RNF220: variants seen among roughly 807,000 people sequenced by gnomAD.
The protein encoded by RNF220 is ring finger protein 220.
In RNF220, 7 loss-of-function variants were observed where a neutral mutation model predicts 67.1. The observed-to-expected ratio is 0.10, with a 90% CI of 0.06 to 0.20. RNF220 has a LOEUF of 0.20. Ranked by LOEUF, RNF220 falls within the 10% of genes least tolerant of loss-of-function variation. The pLI, the probability that RNF220 is intolerant of heterozygous loss-of-function variation, is 1.00. For synonymous variants in RNF220, 270 were observed against 283.2 expected, an observed-to-expected ratio of 0.95 and a Z score of 0.47; for missense variants, 565 against 740.3, an observed-to-expected ratio of 0.76 and a Z score of 2.75.
In RNF220 at chr1:44,614,264, A is replaced by T; in HGVS notation, c.725A>T (p.Gln242Leu). 1 of 1,614,150 alleles carries T rather than the reference A, an allele frequency of 6.2e-7. No individual in the cohort carries two copies. ...AGTGAGCTGCAGGAGCATATGGAGC[A>T]GGAACTGGAGCAGCTAGCCCAACTG... The part of the protein sequence containing the change: ...RPSELQEHME[Q>L]ELEQLAQLPS... The change falls in exon 3 of 15, where the codon CAG becomes CTG. Residue 242 changes from glutamine to leucine, a missense_variant. By Grantham distance (113) the Gln-to-Leu change is moderately radical. Coordinates refer to ENST00000361799, the MANE Select transcript of RNF220 (RefSeq NM_018150.4).
chr1:44,487,215 G>A (rs998007706), intron 2 of RNF220, among the ~76,000 whole-genome samples: 1 of 151,824 alleles, frequency 6.6e-6, no homozygotes, highest in South Asian at 2.1e-4. Context: ...CATGCCTGTA[G>A]TCTCAGCTAC....
chr1:44,646,980 C>T (rs1056238084), intron 12 of RNF220, among the ~76,000 whole-genome samples: 1 of 152,222 alleles, frequency 6.6e-6, no homozygotes, highest in African/African-American at 2.4e-5. Flanking sequence ...AGCTCACAGC[C>T]AGCCTGGACC....
At chr1:44,550,848 A>G (rs372916770) in intron 2 of RNF220, among the ~76,000 whole-genome samples, 2 of 152,218 alleles carry the variant, frequency 1.3e-5, no homozygotes, top group East Asian at 3.9e-4. Flanking sequence ...ATGCTTCTCC[A>G]TGGCCAGGTT....
rs909416156 is a variant in RNF220, at chr1:44,621,691, A to C, written c.759-1051A>C. On this transcript the variant is annotated intron_variant, in intron 3 of 14. Coordinates refer to ENST00000361799, the MANE Select transcript of RNF220 (RefSeq NM_018150.4). This position sits in a 1 kb window ranked among gnomAD's most constrained non-coding sequence, Gnocchi z 4.8. ...TGTGGGTGTCTGAGCTCATCTGTGG[A>C]TGTTCCTTATGTCTACACTCGTTAA... Among the ~76,000 whole-genome samples the C allele has an allele frequency of 2.6e-5, 4 of 151,870 alleles. No homozygotes were observed. Among genetic ancestry groups the C allele is most frequent in the African/African-American group, 9.7e-5 (4 of 41,292 alleles).
intron 2 of RNF220, among the ~76,000 whole-genome samples, chr1:44,576,615 G>T (rs1664822795): frequency 6.6e-6 from 1 of 152,052 alleles, no homozygotes; most frequent in South Asian, 2.1e-4. Context: ...GTGTAAACCG[G>T]ATTTGCCTTG....
intron 2 of RNF220, among the ~76,000 whole-genome samples, chr1:44,490,314 A>G (rs933297681): frequency 2.6e-5 from 4 of 151,564 alleles, no homozygotes; most frequent in African/African-American, 9.7e-5. Context: ...AGTAAAGATA[A>G]AAAAAATTAG....
chr1:44,603,345 C>T (rs1054621549), intron 2 of RNF220, among the ~76,000 whole-genome samples: 2 of 152,204 alleles, frequency 1.3e-5, no homozygotes, highest in Non-Finnish European at 2.9e-5. Flanking sequence ...CAAAGAACTG[C>T]TACCCAGGAC....
chr1:44,516,570 C>T (rs1659465104), intron 2 of RNF220, among the ~76,000 whole-genome samples: 1 of 151,682 alleles, frequency 6.6e-6, no homozygotes, highest in Non-Finnish European at 1.5e-5. Flanking sequence ...TAGCTGTGTG[C>T]AGTGTATAAG....
chr1:44,587,135 C>T (rs1665757017), intron 2 of RNF220, among the ~76,000 whole-genome samples: 1 of 146,156 alleles, frequency 6.8e-6, no homozygotes, highest in African/African-American at 2.6e-5. Flanking sequence ...ATCTTCTTCT[C>T]TTCTTCTTCC....
intron 2 of RNF220, among the ~76,000 whole-genome samples, chr1:44,520,036 C>T (rs1659779889): frequency 6.8e-6 from 1 of 147,122 alleles, no homozygotes; most frequent in Non-Finnish European, 1.5e-5. Flanking sequence ...AGAAGGCATT[C>T]TTCAAACTGG....
chr1:44,614,817 T>C (rs1643477010), intron 3 of RNF220, among the ~76,000 whole-genome samples: 1 of 149,240 alleles, frequency 6.7e-6, no homozygotes, highest in Non-Finnish European at 1.5e-5. Flanking sequence ...AGGACTGGGC[T>C]GAGCCTCCTC....
At chr1:44,416,107 G>A (rs1160159563) in intron 2 of RNF220, among the ~76,000 whole-genome samples, 2 of 152,194 alleles carry the variant, frequency 1.3e-5, no homozygotes, top group African/African-American at 4.8e-5. Context: ...TGTGCTCTAT[G>A]GAAAAACAAG....
intron 5 of RNF220, among the ~76,000 whole-genome samples, chr1:44,628,089 C>G (rs59834392): frequency 0.062 from 9,376 of 152,302 alleles, 694 homozygotes; most frequent in African/African-American, 0.17. Flanking sequence ...TGGTTCAAGG[C>G]AGAGAAATGA....
intron 2 of RNF220, among the ~76,000 whole-genome samples, chr1:44,497,567 C>T (rs1235532858): frequency 6.6e-6 from 1 of 152,140 alleles, no homozygotes; most frequent in Non-Finnish European, 1.5e-5. Context: ...CCCTTCTTGT[C>T]CCATCACCAC....
chr1:44,613,918 C>T (rs1335225645), intron 2 of RNF220, among the ~76,000 whole-genome samples: 1 of 152,118 alleles, frequency 6.6e-6, no homozygotes, highest in Admixed American at 6.5e-5. Context: ...AAATAGACAT[C>T]CCATGGGGGA....
chr1:44,581,867 C>T (rs142151821), intron 2 of RNF220, among the ~76,000 whole-genome samples: 1 of 152,296 alleles, frequency 6.6e-6, no homozygotes, highest in African/African-American at 2.4e-5. Flanking sequence ...GGTTTCATCT[C>T]TAGGTGTGAA....
intron 3 of RNF220, among the ~76,000 whole-genome samples, chr1:44,616,311 G>T (rs1336917055): frequency 1.3e-5 from 2 of 152,192 alleles, no homozygotes; most frequent in South Asian, 4.1e-4. Context: ...GAGTATGAAA[G>T]AATCCATGGG....
At position 44,649,563 on chromosome 1, in the gene RNF220, C is replaced by A; in HGVS notation, c.1446-98C>A. Reference sequence around the variant, plus strand: ...GGGGCAGGCAGGGATGCCTAGGGGACATTTATGTATTTGGTTCTGGAATTC... The same window carrying A: ...GGGGCAGGCAGGGATGCCTAGGGGAAATTTATGTATTTGGTTCTGGAATTC... On this transcript the variant is annotated intron_variant, in intron 12 of 14. Transcript: ENST00000361799. The surrounding 1 kb of genome is among the most constrained non-coding windows in gnomAD (Gnocchi z 5.9). 2 of 1,099,908 alleles carry A rather than the reference C, an allele frequency of 1.8e-6. No individual in the cohort carries two copies. Among genetic ancestry groups the A allele is most frequent in the Non-Finnish European group, 2.8e-6 (2 of 726,428 alleles). The allele number at this position is 1,099,908 out of a possible 1,614,324, so 68.1% of individuals were successfully genotyped here. A position where few individuals can be genotyped will look rare whatever the true frequency, so the allele number is the denominator to read the frequency against.
intron 2 of RNF220, among the ~76,000 whole-genome samples, chr1:44,436,716 C>T (rs1012100726): frequency 6.6e-6 from 1 of 152,130 alleles, no homozygotes; most frequent in African/African-American, 2.4e-5. Flanking sequence ...GAGATGCGTG[C>T]AAATGAACAG....
Sources: gnomAD v4.1 joint callset for allele counts (sites outside exome capture counted in the v4.1 genomes callset) on GRCh38, gnomAD v4.1.1 for gene constraint, Gnocchi (gnomAD v3.1) non-coding constraint, MANE v1.5 for transcripts, NCBI Gene and HGNC (gene_info 2026-07-23, HGNC 2026-07-21) for gene names.